The following TBC1D9 variants were observed in gnomAD, a reference collection of about 807,000 sequenced individuals.
TBC1D9 encodes the protein TBC1 domain family member 9A.
A neutral mutation model predicts 132.0 loss-of-function variants in TBC1D9; 63 were observed. The ratio of observed to expected loss-of-function variants is 0.48; its 90% CI spans 0.39 to 0.59. The LOEUF (loss-of-function observed/expected upper bound fraction) is 0.59, where lower values mean the gene tolerates loss of function less well. Among genes scored for constraint, TBC1D9 ranks in the 20% least tolerant of loss-of-function variants. TBC1D9 has a pLI of 0.00. For synonymous variants in TBC1D9, 610 were observed against 609.9 expected (o/e 1.00, Z 0.00); for missense variants, 1,261 against 1,592.7 (o/e 0.79, Z 3.54).
rs760379829 is a variant in TBC1D9, at chr4:140,622,481, G to A, written c.3515C>T (p.Ser1172Phe). 3.1e-6 allele frequency: 5 copies of A among 1,614,048 alleles called. No homozygotes were observed. Among genetic ancestry groups the A allele is most frequent in the Non-Finnish European group, 4.2e-6 (5 of 1,179,898 alleles). The change falls in exon 21 of 21, where the codon TCC becomes TTC. Residue 1172 changes from serine (S) to phenylalanine (F), a missense_variant. By Grantham distance (155) the Ser-to-Phe change is radical (BLOSUM62 -2). Transcript: ENST00000442267. The part of the protein sequence containing the change: ...MSSYSVLSAG[S>F]HEEDKLHCED... The stretch of plus-strand genomic sequence containing the variant: ...GCAGTGCAGCTTGTCCTCCTCGTGG[G>A]AGCCGGCACTCAGCACCGAGTATGA...
intron 1 of TBC1D9, among the ~76,000 whole-genome samples, chr4:140,719,346 A>G (rs916677113): frequency 2.6e-5 from 4 of 152,162 alleles, no homozygotes; most frequent in Non-Finnish European, 4.4e-5. Context: ...CAAAAACTGT[A>G]GAGTCTCTCA....
chr4:140,714,411 G>GGGT (rs1262117002), intron 1 of TBC1D9, among the ~76,000 whole-genome samples: 1 of 152,146 alleles, frequency 6.6e-6, no homozygotes, highest in Non-Finnish European at 1.5e-5. Context: ...GGGGGCTTCT[G>GGGT]GGTCTTTGGT....
At chr4:140,690,500 T>C (rs1485493921) in intron 2 of TBC1D9, among the ~76,000 whole-genome samples, 1 of 152,086 alleles carries the variant, frequency 6.6e-6, no homozygotes, top group Non-Finnish European at 1.5e-5. Context: ...TGTTCTGTCC[T>C]CTGTCTCCTG....
chr4:140,712,574 C>G (rs1174495771), intron 1 of TBC1D9, among the ~76,000 whole-genome samples: 3 of 150,992 alleles, frequency 2.0e-5, no homozygotes, highest in Non-Finnish European at 4.4e-5. Flanking sequence ...AAGCCCATCT[C>G]TACTAAAAAT....
intron 1 of TBC1D9, among the ~76,000 whole-genome samples, chr4:140,721,273 A>G (rs1268287299): frequency 6.6e-6 from 1 of 152,230 alleles, no homozygotes; most frequent in Non-Finnish European, 1.5e-5. Context: ...TGAAACAACA[A>G]TCAAATATCA....
intron 13 of TBC1D9, among the ~76,000 whole-genome samples, chr4:140,654,390 C>A (rs1737233558): frequency 6.9e-6 from 1 of 145,738 alleles, no homozygotes; most frequent in Admixed American, 7.3e-5. Flanking sequence ...GGAATGTGAG[C>A]TGGTACTGAT....
At chr4:140,686,131 A>G (rs1302249104) in intron 3 of TBC1D9, among the ~76,000 whole-genome samples, 1 of 152,180 alleles carries the variant, frequency 6.6e-6, no homozygotes, top group East Asian at 1.9e-4. Context: ...CAATAAAAGA[A>G]AAAAAAGGAA....
chr4:140,708,455 T>C (rs886437786), intron 1 of TBC1D9, among the ~76,000 whole-genome samples: 5 of 152,168 alleles, frequency 3.3e-5, no homozygotes, highest in African/African-American at 7.2e-5. Flanking sequence ...AAAAGACAAG[T>C]CTCTATTCTC....
intron 6 of TBC1D9, among the ~76,000 whole-genome samples, chr4:140,671,939 T>C (rs1235962401): frequency 6.6e-6 from 1 of 152,216 alleles, no homozygotes; most frequent in Non-Finnish European, 1.5e-5. Flanking sequence ...TCTTCATTTC[T>C]ACTGCAAGCA....
chr4:140,697,732 G>A (rs1339283568), intron 2 of TBC1D9, among the ~76,000 whole-genome samples: 1 of 152,196 alleles, frequency 6.6e-6, no homozygotes, highest in Non-Finnish European at 1.5e-5. Context: ...CAATACCATG[G>A]CAAAGCCCCA....
intron 13 of TBC1D9, among the ~76,000 whole-genome samples, chr4:140,647,824 C>T (rs377526178): frequency 1.2e-4 from 18 of 152,214 alleles, no homozygotes; most frequent in African/African-American, 3.6e-4. Flanking sequence ...AAATGTAAAC[C>T]GTGGACTCCA....
Position 140,701,622 on chromosome 4 carries a change from T to C in TBC1D9, c.131-8A>G, listed in dbSNP as rs1738071219. ...GGGTACCCACCAGCAGGCCTGAGGG[T>C]GGAAAGTGGGGAGAAACAGGTAAGA... On this transcript the variant is annotated splice_region_variant and splice_polypyrimidine_tract_variant and intron_variant, in intron 1 of 20. Coordinates refer to ENST00000442267, the MANE Select transcript of TBC1D9 (RefSeq NM_015130.3). 6.2e-7 allele frequency: 1 copy of C among 1,611,952 alleles called. No homozygotes were observed. The highest frequency in any genetic ancestry group is 1.3e-5 in the African/African-American group (1 of 74,970).
intron 1 of TBC1D9, among the ~76,000 whole-genome samples, chr4:140,755,413 T>A (rs965662302): frequency 1.3e-5 from 2 of 152,214 alleles, no homozygotes; most frequent in Non-Finnish European, 1.5e-5. Flanking sequence ...TGTTTCCGTA[T>A]TCATTCTCTT....
intron 13 of TBC1D9, among the ~76,000 whole-genome samples, chr4:140,641,109 A>AAC (rs1736985431): frequency 6.7e-6 from 1 of 149,136 alleles, no homozygotes; most frequent in South Asian, 2.1e-4. Flanking sequence ...AAAAAACAAA[A>AAC]AAAAACAGAA....
chr4:140,657,357 GA>G, intron 12 of TBC1D9, 131 bp from the exon 13 acceptor site: 1 of 1,370,486 alleles, frequency 7.3e-7, no homozygotes, highest in Admixed American at 2.4e-5. Flanking sequence ...TGGAAAGAGA[GA>G]AAGAAATTCT....
intron 6 of TBC1D9, 81 bp from the exon 7 acceptor site, chr4:140,671,007 G>A: frequency 1.7e-6 from 2 of 1,211,586 alleles, no homozygotes; most frequent in South Asian, 1.3e-5. Context: ...AAAGGAGGAA[G>A]GCGGCACTTT....
chr4:140,624,444 A>T, intron 18 of TBC1D9, 56 bp from the exon 19 acceptor site: 1 of 1,499,180 alleles, frequency 6.7e-7, no homozygotes, highest in South Asian at 1.2e-5. Flanking sequence ...ATGACCATGG[A>T]ATTAGCATTT....
intron 16 of TBC1D9, among the ~76,000 whole-genome samples, chr4:140,629,348 T>A (rs557766368): frequency 1.8e-4 from 28 of 152,334 alleles, no homozygotes; most frequent in African/African-American, 5.8e-4. Flanking sequence ...CATATGTTAC[T>A]TTGGGGAAAG....
chr4:140,691,318 T>A (rs1166493922), intron 2 of TBC1D9, among the ~76,000 whole-genome samples: 1 of 152,224 alleles, frequency 6.6e-6, no homozygotes, highest in Non-Finnish European at 1.5e-5. Context: ...AAAGGAAACG[T>A]GTTTGAATCC....
Sources: allele counts gnomAD v4.1 joint callset (sites outside exome capture counted in the v4.1 genomes callset), GRCh38; gene constraint gnomAD v4.1.1; transcripts MANE v1.5; gene names NCBI Gene and HGNC (gene_info 2026-07-23, HGNC 2026-07-21).